The following CMSS1 variants were observed in gnomAD, a reference collection of about 807,000 sequenced individuals.
The protein encoded by CMSS1 is protein CMSS1.
A neutral mutation model predicts 43.5 loss-of-function variants in CMSS1; 33 were observed. The ratio of observed to expected loss-of-function variants is 0.76; its 90% CI spans 0.57 to 1.01. CMSS1 has a LOEUF of 1.01. Among genes scored for constraint, CMSS1 ranks in the 50% least tolerant of loss-of-function variants. The probability of loss-of-function intolerance (pLI) is 0.00; values close to 1 mark genes in which losing one functional copy is unlikely to be tolerated. For synonymous variants in CMSS1, 115 were observed against 117.2 expected, an observed-to-expected ratio of 0.98 and a Z score of 0.12; for missense variants, 313 against 326.4, an observed-to-expected ratio of 0.96 and a Z score of 0.32.
chr3:100,112,350 AT>A (rs2066506151), intron 1 of CMSS1, among the ~76,000 whole-genome samples: 1 of 152,184 alleles, frequency 6.6e-6, no homozygotes, highest in East Asian at 1.9e-4. Flanking sequence ...GGTTTTTTGC[AT>A]CCTTGGACCT....
In CMSS1 at chr3:99,980,037, A is replaced by T. The variant is rs527488977; in HGVS notation, c.64+161994A>T. 2.2e-4 allele frequency among the ~76,000 whole-genome samples: 33 copies of T among 152,328 alleles called. 1 individual carries two copies. The East Asian group carries it at 6.4e-3, about 30-fold the overall frequency. On this transcript the variant is annotated intron_variant, in intron 1 of 9. Transcript: ENST00000421999. ...ATTAAAGCAGCACTGGGGGGAAAGA[A>T]TTCTAAGCAAAGATTACTTAGAAGC...
intron 1 of CMSS1, among the ~76,000 whole-genome samples, chr3:99,853,343 AC>A (rs1422412712): frequency 6.6e-6 from 1 of 152,266 alleles, no homozygotes; most frequent in Non-Finnish European, 1.5e-5. Context: ...TTATTAGAGA[AC>A]AGTTTCACAA....
Position 100,178,293 on chromosome 3 carries a change from T to G in CMSS1, c.757-12T>G, listed in dbSNP as rs755246605. On this transcript the variant is annotated splice_polypyrimidine_tract_variant and intron_variant, in intron 9 of 9. Transcript: ENST00000421999. ...ATCTTAATCTTTTTTTCCCCCCTTTTCTCTCATTTAGATAAGAAAGGAGGT... is the reference window on the plus strand; with the variant it reads ...ATCTTAATCTTTTTTTCCCCCCTTTGCTCTCATTTAGATAAGAAAGGAGGT... The G allele has an allele frequency of 1.9e-6, 3 of 1,576,160 alleles. No homozygotes were observed. The highest frequency in any genetic ancestry group is 2.2e-5 in the East Asian group (1 of 44,694).
chr3:99,978,632 C>A (rs1305277213), intron 1 of CMSS1, among the ~76,000 whole-genome samples: 1 of 152,102 alleles, frequency 6.6e-6, no homozygotes, highest in Non-Finnish European at 1.5e-5. Context: ...CCAGGGCTCT[C>A]CCCTGTAATC....
At chr3:99,864,043 C>T (rs1033812310) in intron 1 of CMSS1, among the ~76,000 whole-genome samples, 3 of 152,086 alleles carry the variant, frequency 2.0e-5, no homozygotes, top group African/African-American at 7.2e-5. Flanking sequence ...AGAAATTAAA[C>T]TTTGTAGGAT....
intron 1 of CMSS1, among the ~76,000 whole-genome samples, chr3:99,830,863 G>A (rs1009650533): frequency 1.3e-5 from 2 of 152,188 alleles, no homozygotes; most frequent in East Asian, 1.9e-4. Flanking sequence ...TGGCAATCAC[G>A]GTGTAGTAGG....
Position 100,140,456 on chromosome 3 carries a change from A to G in CMSS1, c.65-6517A>G, listed in dbSNP as rs112705697. 8.2e-4 allele frequency among the ~76,000 whole-genome samples: 125 copies of G among 151,898 alleles called. 2 individuals are homozygous for G. The highest frequency in any genetic ancestry group is 2.9e-3 in the African/African-American group (119 of 41,208). ...AAAATCATGCATTATATAGCTTCTT[A>G]GGCCTGGCTTCTTTTGCTTGGCATC... is the stretch of plus-strand genomic sequence containing the variant. On this transcript the variant is annotated intron_variant, in intron 1 of 9. Coordinates refer to ENST00000421999, the MANE Select transcript of CMSS1 (RefSeq NM_032359.4).
chr3:99,855,308 A>C (rs1943908501), intron 1 of CMSS1, among the ~76,000 whole-genome samples: 1 of 152,116 alleles, frequency 6.6e-6, no homozygotes, highest in Non-Finnish European at 1.5e-5. Context: ...CAGTAGCTAC[A>C]TTTTCATGCA....
chr3:99,928,479 G>T (rs1419410072), intron 1 of CMSS1, among the ~76,000 whole-genome samples: 2 of 152,196 alleles, frequency 1.3e-5, no homozygotes, highest in Non-Finnish European at 2.9e-5. Flanking sequence ...GGCTGGACTT[G>T]TAAAGTAGGG....
intron 2 of CMSS1, among the ~76,000 whole-genome samples, chr3:100,158,706 G>A (rs143842528): frequency 4.6e-5 from 7 of 152,304 alleles, no homozygotes; most frequent in Non-Finnish European, 1.0e-4. Flanking sequence ...AGTTCATCAA[G>A]CATGTTTCGT....
intron 1 of CMSS1, among the ~76,000 whole-genome samples, chr3:100,038,509 G>A (rs1018792516): frequency 4.6e-5 from 7 of 152,134 alleles, no homozygotes; most frequent in African/African-American, 1.7e-4. Context: ...CTTATTGACT[G>A]TTCGGTTTAA....
intron 1 of CMSS1, among the ~76,000 whole-genome samples, chr3:99,887,887 G>T (rs1196535708): frequency 1.3e-5 from 2 of 151,948 alleles, no homozygotes; most frequent in African/African-American, 2.4e-5. Context: ...GACTACAGGT[G>T]TGCACCACCA....
chr3:99,903,403 C>T (rs1281804782), intron 1 of CMSS1, among the ~76,000 whole-genome samples: 2 of 152,058 alleles, frequency 1.3e-5, no homozygotes, highest in African/African-American at 2.4e-5. Context: ...AGGCGCCTGC[C>T]ACCACACCCA....
At chr3:100,027,981 A>G (rs977498797) in intron 1 of CMSS1, among the ~76,000 whole-genome samples, 1 of 152,160 alleles carries the variant, frequency 6.6e-6, no homozygotes, top group African/African-American at 2.4e-5. Flanking sequence ...GTTAGGTCCA[A>G]TGGGAAGCTG....
At chr3:99,869,471 T>C (rs368019679) in intron 1 of CMSS1, among the ~76,000 whole-genome samples, 6 of 152,224 alleles carry the variant, frequency 3.9e-5, no homozygotes, top group African/African-American at 1.4e-4. Flanking sequence ...ATTTTCCTTT[T>C]AGCAGCAGTG....
intron 7 of CMSS1, 104 bp downstream of exon 7, chr3:100,172,003 C>T: frequency 1.1e-6 from 1 of 870,076 alleles, no homozygotes; most frequent in Non-Finnish European, 1.8e-6. Context: ...TATTGAGTTC[C>T]TTCCTTATGT....
At chr3:99,845,292 A>G (rs907325158) in intron 1 of CMSS1, among the ~76,000 whole-genome samples, 3 of 152,172 alleles carry the variant, frequency 2.0e-5, no homozygotes, top group African/African-American at 7.2e-5. Flanking sequence ...AAAAAACATG[A>G]TAAAATCATT....
At chr3:100,173,294 T>C (rs2067125000) in intron 8 of CMSS1, among the ~76,000 whole-genome samples, 1 of 152,198 alleles carries the variant, frequency 6.6e-6, no homozygotes, top group Non-Finnish European at 1.5e-5. Flanking sequence ...AAACAACACT[T>C]TCGAGTTCCT....
chr3:99,997,414 G>T (rs775263178), intron 1 of CMSS1, among the ~76,000 whole-genome samples: 51 of 152,318 alleles, frequency 3.3e-4, no homozygotes, highest in Non-Finnish European at 6.0e-4. Flanking sequence ...TTGGGAAAAT[G>T]AGTCACATGT....
Sources: allele counts gnomAD v4.1 joint callset (sites outside exome capture counted in the v4.1 genomes callset), GRCh38; gene constraint gnomAD v4.1.1; transcripts MANE v1.5; gene names NCBI Gene and HGNC (gene_info 2026-07-23, HGNC 2026-07-21).